FARSB: variants seen among roughly 807,000 people sequenced by gnomAD.
FARSB encodes the protein phenylalanine--tRNA ligase beta subunit.
FARSB carries 40 observed loss-of-function variants against 69.6 expected under a neutral mutation model. The observed-to-expected ratio is 0.57, with a 90% CI of 0.45 to 0.75. The LOEUF is 0.75. Among genes scored for constraint, FARSB ranks in the 30% least tolerant of loss-of-function variants. FARSB has a pLI of 0.00. For missense variants in FARSB, 632 were observed against 722.9 expected (o/e 0.87, Z 1.44); for synonymous variants, 235 against 247.2 (o/e 0.95, Z 0.46).
At chr2:222,630,008 T>G (rs930963857) in intron 9 of FARSB, 105 bp downstream of exon 9, 2 of 706,918 alleles carry the variant, frequency 2.8e-6, no homozygotes, top group African/African-American at 3.8e-5. Flanking sequence ...CCCAAAGTGC[T>G]GGGATTATAG....
chr2:222,598,999 G>T (rs960460388), intron 16 of FARSB, among the ~76,000 whole-genome samples: 2 of 147,802 alleles, frequency 1.4e-5, no homozygotes, highest in African/African-American at 4.9e-5. Flanking sequence ...AGATTTCAGG[G>T]TTATTTTCAA....
chr2:222,592,682 T>C (rs545091275), intron 16 of FARSB, among the ~76,000 whole-genome samples: 1 of 150,100 alleles, frequency 6.7e-6, no homozygotes, highest in Admixed American at 6.8e-5. Context: ...AGATCTAGTA[T>C]GGATGCAGAA....
At chr2:222,583,935 C>T (rs1296978165) in intron 16 of FARSB, among the ~76,000 whole-genome samples, 6 of 152,134 alleles carry the variant, frequency 3.9e-5, no homozygotes, top group Admixed American at 3.9e-4. Context: ...CCAAGCCATG[C>T]AGAACTGTGA....
At chr2:222,611,890 T>C (rs1031884315) in intron 15 of FARSB, among the ~76,000 whole-genome samples, 2 of 152,134 alleles carry the variant, frequency 1.3e-5, no homozygotes, top group African/African-American at 2.4e-5. Flanking sequence ...CACAGAACCG[T>C]GCATGGCCCT....
Position 222,610,466 on chromosome 2 carries a change from G to A in FARSB, c.1462+3345C>T, listed in dbSNP as rs556911955. Among the ~76,000 whole-genome samples, 32 of 151,030 alleles carry A rather than the reference G, an allele frequency of 2.1e-4. No homozygotes were observed. The South Asian group carries it at 4.7e-3, about 22-fold the overall frequency. On this transcript the variant is annotated intron_variant, in intron 15 of 16. Transcript: ENST00000281828. ...TTTCCATAAATAAATTCCCACATTC[G>A]TCTGTTTTAGTTTTCTTATTCTAAA...
intron 16 of FARSB, among the ~76,000 whole-genome samples, chr2:222,594,132 G>A (rs1690350523): frequency 6.8e-6 from 1 of 146,612 alleles, no homozygotes; most frequent in African/African-American, 2.5e-5. Context: ...GCTGAGCATG[G>A]TGGCATGCCC....
chr2:222,589,752 C>T (rs577179812), intron 16 of FARSB, among the ~76,000 whole-genome samples: 24 of 152,214 alleles, frequency 1.6e-4, no homozygotes, highest in Non-Finnish European at 2.6e-4. Context: ...AGCCAACAGA[C>T]ACATGAAAAA....
intron 15 of FARSB, among the ~76,000 whole-genome samples, chr2:222,602,174 AAAAGGCCAAACTTATGGG>A (rs1194938536): frequency 6.6e-6 from 1 of 152,168 alleles, no homozygotes; most frequent in Non-Finnish European, 1.5e-5. Context: ...GACATTCTGG[AAAAGGCCAAACTTATGGG>A]AACAGAGAAC....
At chr2:222,591,774 G>A (rs1281136017) in intron 16 of FARSB, among the ~76,000 whole-genome samples, 1 of 152,122 alleles carries the variant, frequency 6.6e-6, no homozygotes, top group Non-Finnish European at 1.5e-5. Flanking sequence ...CCTGGGAGTG[G>A]CCAATGCCTT....
intron 2 of FARSB, chr2:222,644,570 A>G (rs1359769063): frequency 4.4e-6 from 2 of 451,682 alleles, no homozygotes; most frequent in Admixed American, 4.7e-5. Flanking sequence ...AGGGACCTAT[A>G]TACAGAGAAG....
chr2:222,653,334 G>C (rs1056133632), intron 1 of FARSB, among the ~76,000 whole-genome samples: 5 of 151,178 alleles, frequency 3.3e-5, no homozygotes, highest in Non-Finnish European at 5.9e-5. Context: ...ATTTCAAATA[G>C]AAAGCAACCC....
chr2:222,639,987 T>C (rs1691678318), intron 4 of FARSB, among the ~76,000 whole-genome samples: 1 of 152,226 alleles, frequency 6.6e-6, no homozygotes, highest in Non-Finnish European at 1.5e-5. Flanking sequence ...TAAAATCTTT[T>C]AAAATTTCAT....
At chr2:222,639,994 T>C (rs527830884) in intron 4 of FARSB, among the ~76,000 whole-genome samples, 1 of 152,346 alleles carries the variant, frequency 6.6e-6, no homozygotes, top group Non-Finnish European at 1.5e-5. Context: ...TTTTAAAATT[T>C]CATTAATGTT....
intron 10 of FARSB, among the ~76,000 whole-genome samples, chr2:222,626,110 A>G (rs879869833): frequency 1.3e-5 from 2 of 151,878 alleles, no homozygotes; most frequent in Non-Finnish European, 2.9e-5. Flanking sequence ...TTGGCTGGGC[A>G]TGGTGGCACA....
intron 15 of FARSB, among the ~76,000 whole-genome samples, chr2:222,607,152 C>T (rs1690721487): frequency 6.6e-6 from 1 of 152,154 alleles, no homozygotes. Flanking sequence ...GACATAATGC[C>T]TCCAAAAATC....
intron 1 of FARSB, among the ~76,000 whole-genome samples, chr2:222,649,826 A>G (rs1249691866): frequency 6.6e-6 from 1 of 152,232 alleles, no homozygotes; most frequent in Non-Finnish European, 1.5e-5. Context: ...TCACATTACC[A>G]AAAATTGAAC....
chr2:222,610,784 T>C (rs745946900), intron 15 of FARSB, among the ~76,000 whole-genome samples: 21 of 152,214 alleles, frequency 1.4e-4, no homozygotes, highest in Non-Finnish European at 2.4e-4. Context: ...CCTTATAACA[T>C]ATCAATGAAA....
At chr2:222,636,666 T>G (rs1691590162) in intron 5 of FARSB, among the ~76,000 whole-genome samples, 2 of 152,170 alleles carry the variant, frequency 1.3e-5, no homozygotes, top group Non-Finnish European at 2.9e-5. Flanking sequence ...TGGTAAAAAT[T>G]TCAAAGTCTT....
intron 5 of FARSB, among the ~76,000 whole-genome samples, chr2:222,635,873 A>G (rs1197113883): frequency 1.3e-5 from 2 of 152,174 alleles, no homozygotes; most frequent in South Asian, 2.1e-4. Context: ...TGAGCCCAAG[A>G]GTTCAAGACC....
Sources: allele counts gnomAD v4.1 joint callset (sites outside exome capture counted in the v4.1 genomes callset), GRCh38; gene constraint gnomAD v4.1.1; transcripts MANE v1.5; gene names NCBI Gene and HGNC (gene_info 2026-07-23, HGNC 2026-07-21).